The following FBXO22 variants were observed in gnomAD, a reference collection of about 807,000 sequenced individuals.
FBXO22 encodes the protein F-box only protein 22.
A neutral mutation model predicts 37.2 loss-of-function variants in FBXO22; 13 were observed. That is an observed-to-expected ratio of 0.35 (90% CI 0.23 to 0.56). The LOEUF (loss-of-function observed/expected upper bound fraction) is 0.56, where lower values mean the gene tolerates loss of function less well. FBXO22 is among the 20% of genes least tolerant of loss of function. The pLI, the probability that FBXO22 is intolerant of heterozygous loss-of-function variation, is 0.87. For missense variants in FBXO22, 446 were observed against 509.9 expected, an observed-to-expected ratio of 0.87 and a Z score of 1.21; for synonymous variants, 189 against 189.1, an observed-to-expected ratio of 1.00 and a Z score of 0.00.
intron 2 of FBXO22, among the ~76,000 whole-genome samples, chr15:75,907,540 T>C (rs1026560376): frequency 1.3e-5 from 2 of 152,166 alleles, no homozygotes; most frequent in African/African-American, 4.8e-5. Flanking sequence ...TTCCAAGTTA[T>C]CTAGTGGACA....
chr15:75,907,475 G>A (rs1899955157), intron 2 of FBXO22, among the ~76,000 whole-genome samples: 1 of 152,086 alleles, frequency 6.6e-6, no homozygotes, highest in South Asian at 2.1e-4. Context: ...TAAACTGCTG[G>A]TGAGACAAAA....
intron 5 of FBXO22, among the ~76,000 whole-genome samples, chr15:75,923,826 A>G (rs1413536467): frequency 6.6e-6 from 1 of 152,152 alleles, no homozygotes; most frequent in Non-Finnish European, 1.5e-5. Flanking sequence ...GAAAGAGGAG[A>G]TGGCAGCTTG....
At chr15:75,920,551 G>A (rs1200522200) in intron 5 of FBXO22, among the ~76,000 whole-genome samples, 2 of 152,196 alleles carry the variant, frequency 1.3e-5, no homozygotes, top group African/African-American at 2.4e-5. Flanking sequence ...GGCTGGTATG[G>A]TGGCTCATGC....
rs78909156 is a variant in FBXO22, at chr15:75,907,331, A to G, written c.279+2702A>G. On this transcript the variant is annotated intron_variant, in intron 2 of 6. Transcript: ENST00000308275. The stretch of plus-strand genomic sequence containing the variant: ...GTGAGGATTAAATAATGAAAAGGTA[A>G]TGCATATAAACATTACTTACAATAC... Among the ~76,000 whole-genome samples the G allele has an allele frequency of 8.5e-3, 1,300 of 152,368 alleles. 7 individuals are homozygous for G. The highest frequency in any genetic ancestry group is 0.014 in the Non-Finnish European group (932 of 68,036).
intron 2 of FBXO22, among the ~76,000 whole-genome samples, chr15:75,908,262 T>G (rs1279329699): frequency 3.3e-5 from 5 of 151,832 alleles, no homozygotes; most frequent in African/African-American, 1.2e-4. Flanking sequence ...CTAAATCTGT[T>G]TTTTGTTTTG....
chr15:75,934,699 A>C lies in FBXO22; in HGVS notation c.*1597A>C, dbSNP rs2030202476. Reference sequence around the variant, plus strand: ...TTTTCATCTATGAATATTTATATTTAGCTCTTGCTATTTAGCTATTATCAA... The same window carrying C: ...TTTTCATCTATGAATATTTATATTTCGCTCTTGCTATTTAGCTATTATCAA... On this transcript the variant is annotated 3_prime_UTR_variant, in exon 7 of 7. Coordinates refer to ENST00000308275, the MANE Select transcript of FBXO22 (RefSeq NM_147188.3). The C allele has an allele frequency of 6.6e-6, 1 of 152,204 alleles. No homozygotes were observed. Among genetic ancestry groups the C allele is most frequent in the Admixed American group, 6.5e-5 (1 of 15,286 alleles). 9.4% of individuals were successfully genotyped at this position (152,204 alleles called of 1,614,324 possible).
chr15:75,915,069 G>A (rs915922664), intron 4 of FBXO22, among the ~76,000 whole-genome samples: 26 of 152,294 alleles, frequency 1.7e-4, no homozygotes, highest in African/African-American at 5.8e-4. Context: ...CTGGATTCAA[G>A]CAATTCTCCT....
chr15:75,940,759 AT>A lies in FBXO22; in HGVS notation c.*7658del, dbSNP rs2030872661. ...AGGATAGTTTTTTCAACAAATAATG[AT>A]GGGAAAGCTGGATAACCACATGGCT... On this transcript the variant is annotated 3_prime_UTR_variant, in exon 7 of 7. Coordinates refer to ENST00000308275, the MANE Select transcript of FBXO22 (RefSeq NM_147188.3). The A allele has an allele frequency of 2.4e-5, 3 of 127,590 alleles. No individual in the cohort carries two copies. The highest frequency in any genetic ancestry group is 8.6e-5 in the Admixed American group (1 of 11,584). 7.9% of individuals were successfully genotyped at this position (127,590 alleles called of 1,614,324 possible). A position where few individuals can be genotyped will look rare whatever the true frequency, so the allele number is the denominator to read the frequency against.
chr15:75,926,756 G>A (rs183065172), intron 5 of FBXO22, among the ~76,000 whole-genome samples: 1 of 152,300 alleles, frequency 6.6e-6, no homozygotes, highest in Admixed American at 6.5e-5. Context: ...ATAGGCATGA[G>A]GTGAATGGTT....
At chr15:75,929,755 T>A in intron 5 of FBXO22, 129 bp from the exon 6 acceptor site, 1 of 956,756 alleles carries the variant, frequency 1.0e-6, no homozygotes, top group East Asian at 2.6e-5. Flanking sequence ...AAATGGAAAA[T>A]TTGATAGCTT....
chr15:75,911,484 CTTG>C (rs1019274294), intron 2 of FBXO22, among the ~76,000 whole-genome samples: 1 of 152,106 alleles, frequency 6.6e-6, no homozygotes, highest in Non-Finnish European at 1.5e-5. Context: ...CTTCACATCC[CTTG>C]TAAGTTGTAT....
At position 75,932,753 on chromosome 15, in the gene FBXO22, C is replaced by T; in HGVS notation, c.863C>T (p.Ala288Val). Reference sequence around the variant, plus strand: ...TTTAGTGGACACCGAATCCAGAGTGCCACTGTGCTCCTCAACGAGGACGTC... The same window carrying T: ...TTTAGTGGACACCGAATCCAGAGTGTCACTGTGCTCCTCAACGAGGACGTC... ...LSFSGHRIQS[A>V]TVLLNEDVSD... is the part of the protein sequence containing the mutation. The change falls in exon 7 of 7, where the codon GCC (alanine) becomes GTC (valine). Residue 288 changes from alanine to valine, a missense_variant. Coordinates refer to ENST00000308275, the MANE Select transcript of FBXO22 (RefSeq NM_147188.3). 1 of 1,614,178 alleles carries T rather than the reference C, an allele frequency of 6.2e-7. No individual in the cohort carries two copies. Among genetic ancestry groups the T allele is most frequent in the Non-Finnish European group, 8.5e-7 (1 of 1,179,998 alleles).
At chr15:75,905,961 G>A (rs181602173) in intron 2 of FBXO22, among the ~76,000 whole-genome samples, 3 of 152,198 alleles carry the variant, frequency 2.0e-5, no homozygotes, top group Admixed American at 6.5e-5. Context: ...TTTGTGAAGA[G>A]ATCATTTGAA....
chr15:75,913,028 T>C (rs1900097870), intron 2 of FBXO22, among the ~76,000 whole-genome samples, 175 bp from the exon 3 acceptor site: 1 of 152,200 alleles, frequency 6.6e-6, no homozygotes, highest in African/African-American at 2.4e-5. Context: ...ATTTGCCCAG[T>C]AGTCATTCAG....
chr15:75,910,692 A>T (rs1900033218), intron 2 of FBXO22, among the ~76,000 whole-genome samples: 1 of 151,796 alleles, frequency 6.6e-6, no homozygotes, highest in Admixed American at 6.6e-5. Context: ...GGTTGCAAAA[A>T]TTTTCTCCCA....
rs1383974805 is a variant in FBXO22 at position 75,932,901 on chromosome 15, G to A, written c.1011G>A (p.Lys337=). The change falls in exon 7 of 7, where the codon AAG becomes AAA. Residue 337 remains lysine (K), a synonymous_variant. Transcript: ENST00000308275. ...GGGGCTTTCAGTATTACAGAGCCAA[G>A]GGGAATGTTGAGGCTGATGCATTTA... ...VGRGFQYYRA[K]GNVEADAFRK... 12 of 1,614,120 alleles carry A rather than the reference G, an allele frequency of 7.4e-6. No individual in the cohort carries two copies. Among genetic ancestry groups the A allele is most frequent in the Non-Finnish European group, 1.0e-5 (12 of 1,180,044 alleles).
intron 4 of FBXO22, among the ~76,000 whole-genome samples, chr15:75,915,257 A>G (rs900182530): frequency 6.6e-6 from 1 of 152,166 alleles, no homozygotes; most frequent in Non-Finnish European, 1.5e-5. Context: ...GGCATGAGCC[A>G]CTGCACCTGG....
intron 4 of FBXO22, among the ~76,000 whole-genome samples, chr15:75,916,105 A>G (rs1900180380): frequency 1.3e-5 from 2 of 151,320 alleles, no homozygotes; most frequent in Non-Finnish European, 1.5e-5. Context: ...TATACTAGTA[A>G]TAGTTATTTT....
In FBXO22 at chr15:75,913,196, T is replaced by C. The variant is rs765523215; in HGVS notation, c.280-7T>C. ...ATCCAATTCCAATTTTTTTTTTTTC[T>C]TTGCAGAATGTTCGCATCTTACCAC... On this transcript the variant is annotated splice_region_variant and splice_polypyrimidine_tract_variant and intron_variant, in intron 2 of 6. Coordinates refer to ENST00000308275, the MANE Select transcript of FBXO22 (RefSeq NM_147188.3). The C allele has an allele frequency of 1.4e-5, 22 of 1,600,582 alleles. No individual in the cohort carries two copies. The African/African-American group carries it at 2.4e-4, about 18-fold the overall frequency.
Sources: gnomAD v4.1 joint callset for allele counts (sites outside exome capture counted in the v4.1 genomes callset) on GRCh38, gnomAD v4.1.1 for gene constraint, MANE v1.5 for transcripts, NCBI Gene and HGNC (gene_info 2026-07-23, HGNC 2026-07-21) for gene names.